GET1: variants seen among roughly 807,000 people sequenced by gnomAD.
The protein encoded by GET1 is guided entry of tail-anchored proteins factor 1, also known as congenital heart disease 5 protein.
In GET1, 20 loss-of-function variants were observed where a neutral mutation model predicts 22.6. The observed-to-expected ratio is 0.89, with a 90% confidence interval of 0.62 to 1.29. GET1 has a LOEUF of 1.29. GET1 is among the 50% of genes most tolerant of loss of function. The pLI is 0.00. For missense variants in GET1, 209 were observed against 219.9 expected (o/e 0.95, Z 0.31); for synonymous variants, 92 against 83.8 (o/e 1.10, Z -0.53).
At chr21:39,420,573 C>G in intron 1 of GET1, 1 of 562,776 alleles carries the variant, frequency 1.8e-6, no homozygotes, top group Non-Finnish European at 2.9e-6. Context: ...GGGCCCAGGC[C>G]CCCTACAAAG....
downstream of GET1, chr21:39,407,728 A>C (rs1229461838): frequency 6.6e-6 from 1 of 152,252 alleles, no homozygotes; most frequent in Non-Finnish European, 1.5e-5. Context: ...TAATGCCTAG[A>C]ACAGTGTCAG....
At chr21:39,385,769 C>T (rs1176596297) in intron 1 of GET1, among the ~76,000 whole-genome samples, 1 of 151,992 alleles carries the variant, frequency 6.6e-6, no homozygotes, top group Non-Finnish European at 1.5e-5. Context: ...AGGACTCGCG[C>T]GGGGTCAAAG....
intron 4 of GET1, 62 bp from the exon 5 acceptor site, chr21:39,396,804 C>A: frequency 6.9e-7 from 1 of 1,457,306 alleles, no homozygotes; most frequent in Non-Finnish European, 9.6e-7. Flanking sequence ...TTAAAGACAG[C>A]AGAGACAGAT....
At chr21:39,384,490 C>T (rs1246319538) in intron 1 of GET1, among the ~76,000 whole-genome samples, 2 of 151,504 alleles carry the variant, frequency 1.3e-5, no homozygotes, top group East Asian at 3.9e-4. Flanking sequence ...GAACTCCTGA[C>T]CTAAGGTGAT....
intron 1 of GET1, among the ~76,000 whole-genome samples, chr21:39,388,062 G>T (rs1435836572): frequency 6.6e-6 from 1 of 152,122 alleles, no homozygotes; most frequent in African/African-American, 2.4e-5. Flanking sequence ...CCCTCATTCC[G>T]AGATACTTTG....
At chr21:39,400,832 T>C (rs1010804344), downstream of GET1, among the ~76,000 whole-genome samples, 1 of 152,190 alleles carries the variant, frequency 6.6e-6, no homozygotes, top group Non-Finnish European at 1.5e-5. Flanking sequence ...TGTGTAGTTT[T>C]AGCCAATATT....
At chr21:39,389,146 A>G (rs576787189) in intron 1 of GET1, among the ~76,000 whole-genome samples, 12 of 150,790 alleles carry the variant, frequency 8.0e-5, no homozygotes, top group Non-Finnish European at 1.5e-4. Flanking sequence ...AATTTTTCAT[A>G]TTTTTTGTAG....
chr21:39,408,868 T>C (rs2039571973), downstream of GET1, among the ~76,000 whole-genome samples: 1 of 152,226 alleles, frequency 6.6e-6, no homozygotes, highest in Admixed American at 6.5e-5. Flanking sequence ...GCTGGGGTCC[T>C]TTTTCTGGAA....
intron 4 of GET1, among the ~76,000 whole-genome samples, chr21:39,395,389 G>A (rs1451252616): frequency 1.3e-5 from 2 of 150,146 alleles, no homozygotes; most frequent in East Asian, 2.0e-4. Flanking sequence ...TTTTAAGACC[G>A]AGTCTCACTC....
intron 1 of GET1, among the ~76,000 whole-genome samples, chr21:39,388,829 G>T (rs913697603): frequency 3.9e-5 from 6 of 152,200 alleles, no homozygotes; most frequent in Non-Finnish European, 7.3e-5. Context: ...CCGTTCCCTG[G>T]AGAGTGGACG....
At chr21:39,396,167 A>G (rs2038629851) in intron 4 of GET1, among the ~76,000 whole-genome samples, 1 of 152,082 alleles carries the variant, frequency 6.6e-6, no homozygotes, top group Non-Finnish European at 1.5e-5. Context: ...AGGCCGAGTT[A>G]GGCAAATCAT....
At chr21:39,404,315 CA>C (rs1601657906) in intron 4 of GET1, among the ~76,000 whole-genome samples, 1 of 152,138 alleles carries the variant, frequency 6.6e-6, no homozygotes, top group East Asian at 1.9e-4. Flanking sequence ...ACAAGGTTAA[CA>C]GAAAAATGGT....
intron 2 of GET1, 61 bp from the exon 3 acceptor site, chr21:39,391,708 T>C (rs2038308419): frequency 6.8e-7 from 1 of 1,476,482 alleles, no homozygotes; most frequent in Non-Finnish European, 9.5e-7. Context: ...TTTCTGTGTA[T>C]TTGAATATTT....
rs996732749 is a variant in GET1, at chr21:39,397,827, C to G, written c.*888C>G. On this transcript the variant is annotated 3_prime_UTR_variant, in exon 5 of 5. Transcript: ENST00000649170. ...AGCTACTTGTTTGCTGTGAGCCACC[C>G]GCAACTGACAAGTGGCTGTTAACTG... 1.3e-5 allele frequency: 2 copies of G among 152,158 alleles called. No homozygotes were observed. The highest frequency in any genetic ancestry group is 2.9e-5 in the Non-Finnish European group (2 of 68,038). 9.4% of individuals were successfully genotyped at this position (152,158 alleles called of 1,614,324 possible).
At chr21:39,417,859 G>A (rs971516268) in intron 1 of GET1, among the ~76,000 whole-genome samples, 15 of 152,046 alleles carry the variant, frequency 9.9e-5, no homozygotes, top group African/African-American at 2.9e-4. Flanking sequence ...TCCGCCTCCC[G>A]AGTTCACACC....
At chr21:39,391,408 G>A (rs2038288004) in intron 2 of GET1, 1 of 283,362 alleles carries the variant, frequency 3.5e-6, no homozygotes, top group Non-Finnish European at 6.7e-6. Flanking sequence ...CCCAGGACAA[G>A]CTGGACTCCC....
At chr21:39,399,765 T>C (rs1046674935), downstream of GET1, among the ~76,000 whole-genome samples, 1 of 152,160 alleles carries the variant, frequency 6.6e-6, no homozygotes. Flanking sequence ...TTAAAAATAC[T>C]GGATATATTT....
chr21:39,420,902 A>G, intron 1 of GET1: 2 of 1,337,572 alleles, frequency 1.5e-6, no homozygotes, highest in East Asian at 2.3e-5. Flanking sequence ...AAAAACTTCA[A>G]TTATCATGGA....
chr21:39,388,631 G>C (rs1355081865), intron 1 of GET1, among the ~76,000 whole-genome samples: 1 of 152,238 alleles, frequency 6.6e-6, no homozygotes, highest in Admixed American at 6.5e-5. Flanking sequence ...TGTGGGACTG[G>C]GATTTGGGGA....
Sources: gnomAD v4.1 joint callset for allele counts (sites outside exome capture counted in the v4.1 genomes callset) on GRCh38, gnomAD v4.1.1 for gene constraint, MANE v1.5 for transcripts, NCBI Gene and HGNC (gene_info 2026-07-23, HGNC 2026-07-21) for gene names.